Variants in EFCC1 observed in about 807,000 individuals in gnomAD.
EFCC1 encodes EF-hand and coiled-coil domain containing 1.
In EFCC1, 50 loss-of-function variants were observed where a neutral mutation model predicts 52.1. That is an observed-to-expected ratio of 0.96 (90% CI 0.76 to 1.21). The LOEUF is 1.21. EFCC1 is among the 50% of genes most tolerant of loss of function. EFCC1 has a pLI of 0.00. For synonymous variants in EFCC1, 399 were observed against 396.5 expected (o/e 1.01, Z -0.08); for missense variants, 837 against 867.3 (o/e 0.97, Z 0.44).
intron 2 of EFCC1, among the ~76,000 whole-genome samples, chr3:129,029,007 C>T (rs1320621017): frequency 1.3e-5 from 2 of 152,176 alleles, no homozygotes; most frequent in African/African-American, 4.8e-5. Context: ...GGCTGGTGCT[C>T]ATCCTGCTGG....
At chr3:129,013,977 G>A (rs1945453148) in intron 2 of EFCC1, among the ~76,000 whole-genome samples, 1 of 152,190 alleles carries the variant, frequency 6.6e-6, no homozygotes, top group Non-Finnish European at 1.5e-5. Flanking sequence ...GGGGGTGGGG[G>A]CTTTTCCGGA....
chr3:129,028,170 A>G (rs1576775031), intron 2 of EFCC1, among the ~76,000 whole-genome samples: 1 of 148,724 alleles, frequency 6.7e-6, no homozygotes, highest in Non-Finnish European at 1.5e-5. Flanking sequence ...GGCAACCGCC[A>G]CCTCCTGGGT....
At chr3:129,036,027 C>T (rs1946349055) in intron 5 of EFCC1, among the ~76,000 whole-genome samples, 1 of 152,250 alleles carries the variant, frequency 6.6e-6, no homozygotes, top group African/African-American at 2.4e-5. Flanking sequence ...ATTTTCTCCA[C>T]CACCGCTCTG....
At chr3:129,002,999 A>C (rs944969960) in intron 1 of EFCC1, among the ~76,000 whole-genome samples, 1 of 152,122 alleles carries the variant, frequency 6.6e-6, no homozygotes, top group African/African-American at 2.4e-5. Context: ...ACACTTAAGC[A>C]CTGTGCCAGC....
At position 129,036,997 on chromosome 3, in the gene EFCC1, G is replaced by A. The variant is rs1946362277; in HGVS notation, c.1473G>A (p.Val491=). 3 of 1,613,976 alleles carry A rather than the reference G, an allele frequency of 1.9e-6. No homozygotes were observed. The highest frequency in any genetic ancestry group is 1.7e-6 in the Non-Finnish European group (2 of 1,179,990). ...SEEEAELQQK[V]EENEHLRLEL... ...CCCAGGCAGAGTTGCAGCAGAAGGTGGAAGAGAATGAGCACCTGAGGCTGG... is the reference window on the plus strand; with the variant it reads ...CCCAGGCAGAGTTGCAGCAGAAGGTAGAAGAGAATGAGCACCTGAGGCTGG... The change falls in exon 6 of 8, where the codon GTG becomes GTA. Residue 491 remains valine (V), a synonymous_variant. Transcript: ENST00000683648.
Position 129,027,240 on chromosome 3 carries a change from G to C in EFCC1, c.981-3463G>C, listed in dbSNP as rs1946146073. On this transcript the variant is annotated intron_variant, in intron 2 of 7. Transcript: ENST00000683648. The stretch of plus-strand genomic sequence containing the variant: ...AGGGTGGGGTTATGCTGATGAGCAC[G>C]GGGAGGCCCCGCGGGCGGCGGCGGT... Among the ~76,000 whole-genome samples, 4 of 152,310 alleles carry C rather than the reference G, an allele frequency of 2.6e-5. No individual in the cohort carries two copies. In the South Asian group the frequency reaches 8.3e-4, roughly 32 times the overall value.
intron 2 of EFCC1, among the ~76,000 whole-genome samples, chr3:129,017,424 G>A (rs1373595851): frequency 6.6e-6 from 1 of 152,254 alleles, no homozygotes; most frequent in Non-Finnish European, 1.5e-5. Context: ...CCAGGCGGGC[G>A]TGGCGGGCTT....
At position 129,013,165 on chromosome 3, in the gene EFCC1, A is replaced by AT. The variant is rs1388756760; in HGVS notation, c.980+9088_980+9089insT. ...ACCCAAGCCGGGTGAGCTCTGGAGGACACAAGGGGGTGGGCATCATGATCG... is the reference window on the plus strand; with the variant it reads ...ACCCAAGCCGGGTGAGCTCTGGAGGATCACAAGGGGGTGGGCATCATGATCG... On this transcript the variant is annotated intron_variant, in intron 2 of 7. Transcript: ENST00000683648. Among the ~76,000 whole-genome samples, 103 of 152,254 alleles carry AT rather than the reference A, an allele frequency of 6.8e-4. No individual in the cohort carries two copies. In the Middle Eastern group the frequency reaches 0.01, roughly 15 times the overall value.
intron 2 of EFCC1, among the ~76,000 whole-genome samples, chr3:129,016,878 T>C (rs1945609552): frequency 6.6e-6 from 1 of 152,222 alleles, no homozygotes; most frequent in South Asian, 2.1e-4. Context: ...GATGATGCTT[T>C]ATGCTGCAAG....
At position 129,032,910 on chromosome 3, in the gene EFCC1, G is replaced by A; in HGVS notation, c.1230G>A (p.Lys410=). ...AGGAGAGGTGGCAGGAGGAGAAGAA[G>A]ACGCCGGCAGCCGAGGCCAAGACAC... ...VEEERWQEEK[K]TPAAEAKTLL... is the part of the protein sequence containing the mutation. Residue 410 remains lysine (K), a synonymous_variant, in exon 4 of 8, where the codon AAG becomes AAA. Coordinates refer to ENST00000683648, the MANE Select transcript of EFCC1 (RefSeq NM_001377500.1). 5 of 1,551,126 alleles carry A rather than the reference G, an allele frequency of 3.2e-6. No individual in the cohort carries two copies. Among genetic ancestry groups the A allele is most frequent in the Non-Finnish European group, 4.4e-6 (5 of 1,146,854 alleles).
In EFCC1 at chr3:129,001,747, T is replaced by C. The variant is rs1320800215; in HGVS notation, c.119T>C (p.Leu40Pro). 1.3e-6 allele frequency: 2 copies of C among 1,540,820 alleles called. No homozygotes were observed. The highest frequency in any genetic ancestry group is 1.7e-6 in the Non-Finnish European group (2 of 1,144,940). Residue 40 changes from leucine (L) to proline (P), a missense_variant, in exon 1 of 8, where the codon CTG (leucine) becomes CCG (proline). Transcript: ENST00000683648. ...AGCGCCCTGGCGCACCACTACGGGCTGGACCGCGGCGTGGAGAACGAGATC... is the reference window on the plus strand; with the variant it reads ...AGCGCCCTGGCGCACCACTACGGGCCGGACCGCGGCGTGGAGAACGAGATC... The part of the protein sequence containing the change: ...LLSALAHHYG[L>P]DRGVENEIVV...
At chr3:129,020,791 G>T (rs1207383575) in intron 2 of EFCC1, among the ~76,000 whole-genome samples, 1 of 152,192 alleles carries the variant, frequency 6.6e-6, no homozygotes, top group Non-Finnish European at 1.5e-5. Flanking sequence ...TCCAGGGGAG[G>T]GAGCCAGGAA....
Position 129,003,945 on chromosome 3 carries a change from G to A in EFCC1, c.848G>A (p.Arg283Gln), listed in dbSNP as rs1171029921. 2 of 1,407,510 alleles carry A rather than the reference G, an allele frequency of 1.4e-6. No homozygotes were observed. The highest frequency in any genetic ancestry group is 1.8e-6 in the Non-Finnish European group (2 of 1,085,032). 87.2% of individuals were successfully genotyped at this position (1,407,510 alleles called of 1,614,324 possible). A position where few individuals can be genotyped will look rare whatever the true frequency, so the allele number is the denominator to read the frequency against. The change falls in exon 2 of 8, where the codon CGG becomes CAG. Residue 283 changes from arginine to glutamine, a missense_variant. Arg to Gln is a conservative substitution (Grantham distance 43, BLOSUM62 1). Coordinates refer to ENST00000683648, the MANE Select transcript of EFCC1 (RefSeq NM_001377500.1). ...RLRRGQAEVR[R>Q]RAEEARQVVL... ...CGCCGTGGCCAGGCCGAGGTGCGGC[G>A]GCGCGCGGAGGAGGCCCGGCAGGTG...
intron 6 of EFCC1, 52 bp downstream of exon 6, chr3:129,037,169 G>A (rs1576786547): frequency 1.3e-6 from 2 of 1,537,690 alleles, no homozygotes; most frequent in Non-Finnish European, 8.7e-7. Flanking sequence ...GAGCTCTTGG[G>A]AGGGAGCCCC....
At chr3:129,015,869 C>T (rs1046286261) in intron 2 of EFCC1, among the ~76,000 whole-genome samples, 1 of 151,946 alleles carries the variant, frequency 6.6e-6, no homozygotes, top group African/African-American at 2.4e-5. Context: ...ACTCAGGAAA[C>T]GCCATGCAGC....
intron 5 of EFCC1, among the ~76,000 whole-genome samples, chr3:129,036,682 C>T (rs1456514383): frequency 6.6e-6 from 1 of 152,220 alleles, no homozygotes; most frequent in Non-Finnish European, 1.5e-5. Flanking sequence ...GCCCACTAGC[C>T]TGCCATAAAT....
chr3:129,019,879 C>T (rs183677217), intron 2 of EFCC1, among the ~76,000 whole-genome samples: 17 of 150,800 alleles, frequency 1.1e-4, no homozygotes, highest in Admixed American at 1.1e-3. Flanking sequence ...AGCGATTCTC[C>T]TGCCTCAGCC....
At chr3:129,018,500 C>T (rs2107904273) in intron 2 of EFCC1, among the ~76,000 whole-genome samples, 1 of 152,318 alleles carries the variant, frequency 6.6e-6, no homozygotes, top group East Asian at 1.9e-4. Flanking sequence ...TGGGACTGCT[C>T]CTGTGCAGAG....
chr3:129,003,457 G>T (rs970730824), intron 1 of EFCC1: 5 of 229,044 alleles, frequency 2.2e-5, no homozygotes, highest in Admixed American at 6.5e-5. Flanking sequence ...CCGGCAGGCT[G>T]AACGCCGCCA....
Sources: gnomAD v4.1 joint callset for allele counts (sites outside exome capture counted in the v4.1 genomes callset) on GRCh38, gnomAD v4.1.1 for gene constraint, MANE v1.5 for transcripts, NCBI Gene and HGNC (gene_info 2026-07-23, HGNC 2026-07-21) for gene names.